The following FAM210A variants were observed in gnomAD, a reference collection of about 807,000 sequenced individuals.
FAM210A encodes family with sequence similarity 210 member A.
FAM210A carries 13 observed loss-of-function variants against 25.3 expected under a neutral mutation model. The ratio of observed to expected loss-of-function variants is 0.51; its 90% CI spans 0.33 to 0.82. FAM210A has a LOEUF of 0.82. Among genes scored for constraint, FAM210A ranks in the 40% least tolerant of loss-of-function variants. FAM210A has a pLI of 0.02. For missense variants in FAM210A, 319 were observed against 323.2 expected, an observed-to-expected ratio of 0.99 and a Z score of 0.10; for synonymous variants, 125 against 118.7, an observed-to-expected ratio of 1.05 and a Z score of -0.35.
chr18:13,698,509 C>T (rs981849770), intron 1 of FAM210A, among the ~76,000 whole-genome samples: 11 of 151,850 alleles, frequency 7.2e-5, no homozygotes, highest in Middle Eastern at 3.4e-3. Context: ...CATTCCTTTC[C>T]ACCTCTTTTT....
At chr18:13,717,023 A>T (rs1012502731) in intron 1 of FAM210A, among the ~76,000 whole-genome samples, 1 of 152,068 alleles carries the variant, frequency 6.6e-6, no homozygotes, top group African/African-American at 2.4e-5. Flanking sequence ...TCTTGTTACT[A>T]TGTCCCTCTT....
chr18:13,703,914 C>T lies in FAM210A; in HGVS notation c.-28-21809G>A, dbSNP rs1418864885. Reference sequence around the variant, plus strand: ...GGTCAGATATTAGGTTTCCTAAATGCTTTAAGGTCATAAACCACTTCTTTG... The same window carrying T: ...GGTCAGATATTAGGTTTCCTAAATGTTTTAAGGTCATAAACCACTTCTTTG... On this transcript the variant is annotated intron_variant, in intron 1 of 3. Transcript: ENST00000651643. 5.9e-5 allele frequency among the ~76,000 whole-genome samples: 9 copies of T among 152,158 alleles called. 1 individual carries two copies. The East Asian group carries it at 1.5e-3, about 26-fold the overall frequency.
intron 1 of FAM210A, among the ~76,000 whole-genome samples, chr18:13,712,869 G>A (rs901538709): frequency 6.6e-6 from 1 of 152,204 alleles, no homozygotes; most frequent in Admixed American, 6.5e-5. Context: ...TTCAAAACAT[G>A]AAAGCTGCAG....
Position 13,666,437 on chromosome 18 carries a change from G to C in FAM210A, c.*43C>G, listed in dbSNP as rs1434379175. 1 of 1,507,410 alleles carries C rather than the reference G, an allele frequency of 6.6e-7. No individual in the cohort carries two copies. Among genetic ancestry groups the C allele is most frequent in the African/African-American group, 1.4e-5 (1 of 72,428 alleles). 93.4% of individuals were successfully genotyped at this position (1,507,410 alleles called of 1,614,324 possible). A position where few individuals can be genotyped will look rare whatever the true frequency, so the allele number is the denominator to read the frequency against. The stretch of plus-strand genomic sequence containing the variant: ...TGTATCTTTGCCCATAGTTTCCAAA[G>C]GGTTAAAGTGCAGGAATTTTCTATA... On this transcript the variant is annotated 3_prime_UTR_variant, in exon 4 of 4. Coordinates refer to ENST00000651643, the MANE Select transcript of FAM210A (RefSeq NM_152352.4).
At chr18:13,716,697 C>T (rs970600354) in intron 1 of FAM210A, among the ~76,000 whole-genome samples, 6 of 152,076 alleles carry the variant, frequency 3.9e-5, no homozygotes, top group South Asian at 4.1e-4. Flanking sequence ...GGAGTTCTCA[C>T]GAGATCTGAT....
chr18:13,713,444 C>T (rs2043836562), intron 1 of FAM210A, among the ~76,000 whole-genome samples: 1 of 152,150 alleles, frequency 6.6e-6, no homozygotes, highest in South Asian at 2.1e-4. Flanking sequence ...CAGAGTACTT[C>T]TTAAACTAGG....
chr18:13,673,910 CTTCT>C (rs1460766531), intron 2 of FAM210A, among the ~76,000 whole-genome samples: 1 of 75,194 alleles, frequency 1.3e-5, no homozygotes, highest in African/African-American at 5.9e-5. Context: ...TGAGCCCTGG[CTTCT>C]TTATTTCCAG....
At chr18:13,679,855 T>C (rs2043536345) in intron 2 of FAM210A, among the ~76,000 whole-genome samples, 1 of 152,218 alleles carries the variant, frequency 6.6e-6, no homozygotes, top group Non-Finnish European at 1.5e-5. Flanking sequence ...CCCACAGCAC[T>C]GAAGAAATCT....
At chr18:13,684,485 G>A (rs1240182174) in intron 1 of FAM210A, among the ~76,000 whole-genome samples, 2 of 152,108 alleles carry the variant, frequency 1.3e-5, no homozygotes, top group African/African-American at 2.4e-5. Flanking sequence ...TTAAAGAGGG[G>A]CACTGTATAA....
chr18:13,714,947 T>G lies in FAM210A; in HGVS notation c.-29+11382A>C, dbSNP rs56225902. Among the ~76,000 whole-genome samples the G allele has an allele frequency of 3.9e-3, 598 of 152,312 alleles. 7 individuals are homozygous for G. The highest frequency in any genetic ancestry group is 0.014 in the African/African-American group (575 of 41,568). Reference sequence around the variant, plus strand: ...ATAACATTTTTGTCCATATTTTAAGTTCTTCAAGAAATTCCTAGGAGTAGT... The same window carrying G: ...ATAACATTTTTGTCCATATTTTAAGGTCTTCAAGAAATTCCTAGGAGTAGT... On this transcript the variant is annotated intron_variant, in intron 1 of 3. Coordinates refer to ENST00000651643, the MANE Select transcript of FAM210A (RefSeq NM_152352.4).
intron 1 of FAM210A, among the ~76,000 whole-genome samples, chr18:13,722,766 G>A (rs534964010): frequency 6.6e-6 from 1 of 152,194 alleles, no homozygotes; most frequent in East Asian, 1.9e-4. Context: ...GTTTCTTTAG[G>A]GCAGACACAG....
chr18:13,673,071 C>T (rs556838518), intron 2 of FAM210A, among the ~76,000 whole-genome samples: 1 of 150,550 alleles, frequency 6.6e-6, no homozygotes, highest in Non-Finnish European at 1.5e-5. Context: ...ATTCCTGAGC[C>T]CCGACTTCTT....
At chr18:13,681,202 C>T (rs952607086) in intron 2 of FAM210A, among the ~76,000 whole-genome samples, 6 of 152,194 alleles carry the variant, frequency 3.9e-5, no homozygotes. Context: ...AGGATGAGAT[C>T]TGCATATAGG....
At chr18:13,678,340 G>A (rs573266585) in intron 2 of FAM210A, among the ~76,000 whole-genome samples, 62 of 150,788 alleles carry the variant, frequency 4.1e-4, no homozygotes, top group Admixed American at 1.8e-3. Flanking sequence ...GTGAGATCTC[G>A]GCTCATGGCA....
Position 13,677,325 on chromosome 18 carries a change from C to T in FAM210A, c.473+4280G>A, listed in dbSNP as rs575073787. Among the ~76,000 whole-genome samples the T allele has an allele frequency of 2.2e-4, 33 of 152,266 alleles. No homozygotes were observed. The South Asian group carries it at 2.5e-3, about 11-fold the overall frequency. ...TCCTGACCTTGTGATCCGCCCACCT[C>T]GGCCTCCCAAAGTGCTGGGATTACA... is the stretch of plus-strand genomic sequence containing the variant. On this transcript the variant is annotated intron_variant, in intron 2 of 3. Transcript: ENST00000651643.
At chr18:13,671,605 C>T (rs2043442869) in intron 3 of FAM210A, among the ~76,000 whole-genome samples, 1 of 150,718 alleles carries the variant, frequency 6.6e-6, no homozygotes, top group Admixed American at 6.7e-5. Flanking sequence ...AGGAGAATCA[C>T]TTTAACCTGG....
At chr18:13,712,794 C>T (rs1368161439) in intron 1 of FAM210A, among the ~76,000 whole-genome samples, 7 of 152,168 alleles carry the variant, frequency 4.6e-5, no homozygotes, top group African/African-American at 1.4e-4. Context: ...GCAGCCTGAA[C>T]GGACTCAGAC....
Position 13,664,839 on chromosome 18 carries a change from C to T in FAM210A, c.*1641G>A, listed in dbSNP as rs1262679106. 6.6e-6 allele frequency: 1 copy of T among 152,204 alleles called. No individual in the cohort carries two copies. The highest frequency in any genetic ancestry group is 1.5e-5 in the Non-Finnish European group (1 of 68,044). The allele number at this position is 152,204 out of a possible 1,614,324, so 9.4% of individuals were successfully genotyped here. ...GCAAAGAGCAGGGGTCCCTGCGGGA[C>T]TGTGTGGCAAACCCAGACATTCTCT... On this transcript the variant is annotated 3_prime_UTR_variant, in exon 4 of 4. Transcript: ENST00000651643.
rs946431983 is a variant in FAM210A, at chr18:13,665,353, C to A, written c.*1127G>T. On this transcript the variant is annotated 3_prime_UTR_variant, in exon 4 of 4. Transcript: ENST00000651643. ...CGAGATTGTACCATTGCACTCCAGT[C>A]TGGGAGAGAGAGAGGGAGGCTCCGT... 3 of 125,410 alleles carry A rather than the reference C, an allele frequency of 2.4e-5. No individual in the cohort carries two copies. The highest frequency in any genetic ancestry group is 9.3e-5 in the African/African-American group (3 of 32,130). The allele number at this position is 125,410 out of a possible 1,614,324, so 7.8% of individuals were successfully genotyped here.
Sources: allele counts gnomAD v4.1 joint callset (sites outside exome capture counted in the v4.1 genomes callset), GRCh38; gene constraint gnomAD v4.1.1; transcripts MANE v1.5; gene names NCBI Gene and HGNC (gene_info 2026-07-23, HGNC 2026-07-21).